PTPRD: variants seen among roughly 807,000 people sequenced by gnomAD.
PTPRD encodes receptor-type tyrosine-protein phosphatase delta.
Under a neutral mutation model 214.5 loss-of-function variants are expected in PTPRD, and 34 were observed. The ratio of observed to expected loss-of-function variants is 0.16; its 90% CI spans 0.12 to 0.21. The LOEUF is 0.21. Ranked by LOEUF, PTPRD falls within the 10% of genes least tolerant of loss-of-function variation. The pLI is 1.00. For missense variants in PTPRD, 2,545 were observed against 2,398.7 expected, an observed-to-expected ratio of 1.06 and a Z score of -1.27; for synonymous variants, 1,128 against 845.7, an observed-to-expected ratio of 1.33 and a Z score of -5.79.
intron 11 of PTPRD, among the ~76,000 whole-genome samples, chr9:8,949,515 G>GA (rs35123032): frequency 0.96 from 145,256 of 151,984 alleles, 69,756 homozygotes; most frequent in East Asian, 1. Context: ...TAACGCCTTT[G>GA]AAAGGTCCCT....
intron 5 of PTPRD, among the ~76,000 whole-genome samples, chr9:9,779,786 G>C (rs2098828451): frequency 6.6e-6 from 1 of 152,160 alleles, no homozygotes; most frequent in South Asian, 2.1e-4. Flanking sequence ...TTTCTCCACA[G>C]TCTTACCAGC....
intron 11 of PTPRD, among the ~76,000 whole-genome samples, chr9:8,836,968 C>T (rs2154531498): frequency 6.6e-6 from 1 of 151,860 alleles, no homozygotes; most frequent in South Asian, 2.1e-4. Context: ...ATAACCCACC[C>T]ATCCCCCCAC....
At chr9:10,299,299 A>C (rs1387765381) in intron 3 of PTPRD, among the ~76,000 whole-genome samples, 1 of 152,150 alleles carries the variant, frequency 6.6e-6, no homozygotes. Flanking sequence ...TTTCTAACTT[A>C]TGAGTTATAA....
intron 2 of PTPRD, among the ~76,000 whole-genome samples, chr9:10,364,608 T>C (rs1023353055): frequency 6.6e-6 from 1 of 152,114 alleles, no homozygotes; most frequent in Non-Finnish European, 1.5e-5. Flanking sequence ...CAACTATATC[T>C]TTAACCTCAA....
intron 3 of PTPRD, among the ~76,000 whole-genome samples, chr9:10,044,310 T>C (rs1421872709): frequency 6.6e-6 from 1 of 151,840 alleles, no homozygotes; most frequent in Non-Finnish European, 1.5e-5. Context: ...TTAGAGGATA[T>C]AAATTATGCT....
chr9:9,705,877 C>A (rs1225160400), intron 7 of PTPRD, among the ~76,000 whole-genome samples: 1 of 152,028 alleles, frequency 6.6e-6, no homozygotes, highest in Non-Finnish European at 1.5e-5. Context: ...TGTTTTCTGG[C>A]AGTGACCTCA....
intron 7 of PTPRD, among the ~76,000 whole-genome samples, chr9:9,696,043 C>T (rs1038112289): frequency 2.0e-5 from 3 of 151,974 alleles, no homozygotes; most frequent in Non-Finnish European, 4.4e-5. Flanking sequence ...TGATGGGAGA[C>T]TTTTTATTAC....
intron 14 of PTPRD, among the ~76,000 whole-genome samples, chr9:8,577,418 G>C (rs1160005607): frequency 1.3e-5 from 2 of 152,024 alleles, no homozygotes; most frequent in African/African-American, 2.4e-5. Flanking sequence ...ACCACACCCA[G>C]AAAAAATTGT....
intron 7 of PTPRD, among the ~76,000 whole-genome samples, chr9:9,643,307 T>C (rs1158990145): frequency 6.6e-6 from 1 of 152,150 alleles, no homozygotes; most frequent in African/African-American, 2.4e-5. Context: ...GACAGACTTA[T>C]ACTTAATCAG....
In PTPRD at chr9:8,691,400, A is replaced by C. The variant is rs1438330875; in HGVS notation, c.64+42380T>G. 3.3e-5 allele frequency among the ~76,000 whole-genome samples: 5 copies of C among 150,836 alleles called. No homozygotes were observed. The East Asian group carries it at 9.9e-4, about 30-fold the overall frequency. On this transcript the variant is annotated intron_variant, in intron 12 of 45. Transcript: ENST00000381196. ...CTGAGGCTGTTCTTCTCTAGAGAAA[A>C]AAAAAAAAAAATAGAAGAGTGCTAT...
chr9:10,270,259 T>A (rs1461690522), intron 3 of PTPRD, among the ~76,000 whole-genome samples: 1 of 152,126 alleles, frequency 6.6e-6, no homozygotes, highest in Non-Finnish European at 1.5e-5. Flanking sequence ...TTAAGAATGG[T>A]AGCAATAGTT....
At chr9:10,446,306 T>C (rs968601566) in intron 2 of PTPRD, among the ~76,000 whole-genome samples, 20 of 151,740 alleles carry the variant, frequency 1.3e-4, no homozygotes, top group African/African-American at 3.9e-4. Flanking sequence ...GTAGGAAAGG[T>C]CTGAAACTGT....
chr9:9,487,599 G>C (rs1030804892), intron 8 of PTPRD, among the ~76,000 whole-genome samples: 7 of 152,012 alleles, frequency 4.6e-5, no homozygotes. Flanking sequence ...TGCACTCTCA[G>C]ATTTGCTTTA....
At chr9:10,270,413 G>C (rs550980795) in intron 3 of PTPRD, among the ~76,000 whole-genome samples, 5 of 152,254 alleles carry the variant, frequency 3.3e-5, no homozygotes, top group South Asian at 2.1e-4. Context: ...GAATTTCAAA[G>C]AGTTTGAAAG....
rs1388831666 is a variant in PTPRD at position 9,935,905 on chromosome 9, G to A, written c.-368+2602C>T. 5.3e-4 allele frequency among the ~76,000 whole-genome samples: 80 copies of A among 150,394 alleles called. No individual in the cohort carries two copies. The South Asian group carries it at 0.017, about 31-fold the overall frequency. ...ATATAGATCAATGGAACAGAACAGA[G>A]CCCTCAGAAATAATGCTGCATATCT... On this transcript the variant is annotated intron_variant, in intron 5 of 45. Coordinates refer to ENST00000381196, the MANE Select transcript of PTPRD (RefSeq NM_002839.4).
At position 9,443,069 on chromosome 9, in the gene PTPRD, A is replaced by G. The variant is rs1198812842; in HGVS notation, c.-236-45587T>C. ...CCCAAAATGTGCCACAAGTAGAATT[A>G]TGCAACAAAATCTGCATCACAGAAG... On this transcript the variant is annotated intron_variant, in intron 8 of 45. Transcript: ENST00000381196. 2.0e-5 allele frequency among the ~76,000 whole-genome samples: 3 copies of G among 152,200 alleles called. No homozygotes were observed. The East Asian group carries it at 5.8e-4, about 29-fold the overall frequency.
intron 2 of PTPRD, among the ~76,000 whole-genome samples, chr9:10,387,546 G>T (rs941558526): frequency 6.6e-6 from 1 of 151,732 alleles, no homozygotes; most frequent in African/African-American, 2.4e-5. Context: ...TTTCCTCCCT[G>T]GGAAATTACA....
At position 8,521,449 on chromosome 9, in the gene PTPRD, T is replaced by C; in HGVS notation, c.789A>G (p.Pro263=). ...CCAACATCCACTTTACATAAGGCAT[T>C]GGTGACCCCACGGCCACACAGGTGA... ...VNITCVAVGS[P]MPYVKWMLGA... Residue 263 remains proline (P), a synonymous_variant, in exon 20 of 46, where the codon CCA becomes CCG. Coordinates refer to ENST00000381196, the MANE Select transcript of PTPRD (RefSeq NM_002839.4). 6.2e-7 allele frequency: 1 copy of C among 1,614,078 alleles called. No homozygotes were observed. Among genetic ancestry groups the C allele is most frequent in the Non-Finnish European group, 8.5e-7 (1 of 1,179,948 alleles).
At chr9:9,757,122 T>C (rs959883602) in intron 6 of PTPRD, among the ~76,000 whole-genome samples, 2 of 152,196 alleles carry the variant, frequency 1.3e-5, no homozygotes, top group Non-Finnish European at 2.9e-5. Context: ...ATAACAAAGA[T>C]TGGGCAGTTT....
Sources: allele counts gnomAD v4.1 joint callset (sites outside exome capture counted in the v4.1 genomes callset), GRCh38; gene constraint gnomAD v4.1.1; transcripts MANE v1.5; gene names NCBI Gene and HGNC (gene_info 2026-07-23, HGNC 2026-07-21).